PPM1A: variants seen among roughly 807,000 people sequenced by gnomAD.
The protein encoded by PPM1A is protein phosphatase, Mg2+/Mn2+ dependent 1A.
Under a neutral mutation model 35.0 loss-of-function variants are expected in PPM1A, and 7 were observed. The observed-to-expected ratio is 0.20, with a 90% CI of 0.11 to 0.38. PPM1A has a LOEUF of 0.38. PPM1A is among the 10% of genes least tolerant of loss of function. The pLI is 1.00. For synonymous variants in PPM1A, 153 were observed against 167.3 expected, an observed-to-expected ratio of 0.91 and a Z score of 0.66; for missense variants, 239 against 467.8, an observed-to-expected ratio of 0.51 and a Z score of 4.51.
chr14:60,269,391 T>C (rs1884803897), intron 1 of PPM1A, among the ~76,000 whole-genome samples: 1 of 152,176 alleles, frequency 6.6e-6, no homozygotes, highest in Non-Finnish European at 1.5e-5. Flanking sequence ...TCTTATTGCG[T>C]TTACATATAA....
In PPM1A at chr14:60,295,575, A is replaced by G. The variant is rs1028843144; in HGVS notation, c.*3093A>G. On this transcript the variant is annotated 3_prime_UTR_variant, in exon 6 of 6. Transcript: ENST00000395076. ...ACTTTTAGTGATCATTCATAGGACT[A>G]TATATTAACCCAGCTAATAACTCAG... 6.6e-6 allele frequency: 1 copy of G among 151,682 alleles called. No homozygotes were observed. 9.4% of individuals were successfully genotyped at this position (151,682 alleles called of 1,614,324 possible).
chr14:60,273,455 C>T lies in PPM1A; in HGVS notation c.-20-9229C>T, dbSNP rs373583617. Among the ~76,000 whole-genome samples the T allele has an allele frequency of 6.6e-6, 1 of 152,058 alleles. No homozygotes were observed. Among genetic ancestry groups the T allele is most frequent in the South Asian group, 2.1e-4 (1 of 4,814 alleles). ...AGAAGGGACAGTATGAAGTGAGATG[C>T]GGCTAGAGAAGGTACGTAGGGGCTT... On this transcript the variant is annotated intron_variant, in intron 1 of 5. Coordinates refer to ENST00000395076, the MANE Select transcript of PPM1A (RefSeq NM_021003.5). This position sits in a 1 kb window ranked among gnomAD's most constrained non-coding sequence, Gnocchi z 4.3.
intron 1 of PPM1A, among the ~76,000 whole-genome samples, chr14:60,254,312 A>T (rs1352219723): frequency 6.6e-6 from 1 of 152,180 alleles, no homozygotes; most frequent in African/African-American, 2.4e-5. Context: ...GAGTAGCTTT[A>T]TTTGGCTCTG....
chr14:60,260,042 CT>C (rs1404482463), intron 1 of PPM1A, among the ~76,000 whole-genome samples: 1 of 152,064 alleles, frequency 6.6e-6, no homozygotes, highest in African/African-American at 2.4e-5. Context: ...GAGATTGAAA[CT>C]GCTGCCATTA....
rs1433224417 is a variant in PPM1A at position 60,296,468 on chromosome 14, TC to T, written c.*3987del. On this transcript the variant is annotated 3_prime_UTR_variant, in exon 6 of 6. Coordinates refer to ENST00000395076, the MANE Select transcript of PPM1A (RefSeq NM_021003.5). The surrounding 1 kb of genome is among the most constrained non-coding windows in gnomAD (Gnocchi z 4.4). ...ATAATTGTTTCTCATTTGAGGTTTT[TC>T]TTCTAAGGGACCTTAAAGAGTTTTA... is the stretch of plus-strand genomic sequence containing the variant. The T allele has an allele frequency of 3.7e-6, 1 of 272,886 alleles. No individual in the cohort carries two copies. Among genetic ancestry groups the T allele is most frequent in the Non-Finnish European group, 6.8e-6 (1 of 147,318 alleles). 16.9% of individuals were successfully genotyped at this position (272,886 alleles called of 1,614,324 possible). A position where few individuals can be genotyped will look rare whatever the true frequency, so the allele number is the denominator to read the frequency against.
In PPM1A at chr14:60,249,616, C is replaced by T; in HGVS notation, c.-82C>T. On this transcript the variant is annotated 5_prime_UTR_variant, in exon 1 of 6. Coordinates refer to ENST00000395076, the MANE Select transcript of PPM1A (RefSeq NM_021003.5). The surrounding 1 kb of genome is among the most constrained non-coding windows in gnomAD (Gnocchi z 4.5). ...GCCGTCGCCGCCGCGGTGACCCCCTCCCCGGCTGCCGCCGCCGCCGCCTCG... is the reference window on the plus strand; with the variant it reads ...GCCGTCGCCGCCGCGGTGACCCCCTTCCCGGCTGCCGCCGCCGCCGCCTCG... 1.0e-6 allele frequency: 1 copy of T among 987,316 alleles called. No individual in the cohort carries two copies. Among genetic ancestry groups the T allele is most frequent in the Non-Finnish European group, 1.2e-6 (1 of 831,776 alleles). 61.2% of individuals were successfully genotyped at this position (987,316 alleles called of 1,614,324 possible).
chr14:60,273,085 C>G lies in PPM1A; in HGVS notation c.-20-9599C>G, dbSNP rs1252184246. Among the ~76,000 whole-genome samples, 3 of 152,204 alleles carry G rather than the reference C, an allele frequency of 2.0e-5. 1 individual carries two copies. The highest frequency in any genetic ancestry group is 3.9e-4 in the East Asian group (2 of 5,174). ...TTCTTTGATGATAGCTTCTCTGTTT[C>G]TCCTTCAGAAAGTCTTGTTTTTTAT... On this transcript the variant is annotated intron_variant, in intron 1 of 5. Coordinates refer to ENST00000395076, the MANE Select transcript of PPM1A (RefSeq NM_021003.5). This position sits in a 1 kb window ranked among gnomAD's most constrained non-coding sequence, Gnocchi z 4.3.
Position 60,282,991 on chromosome 14 carries a change from T to G in PPM1A, c.288T>G (p.Asn96Lys). The change falls in exon 2 of 6, where the codon AAT becomes AAG. Residue 96 changes from asparagine to lysine, a missense_variant. Asn to Lys is a moderately conservative substitution (Grantham distance 94). Coordinates refer to ENST00000395076, the MANE Select transcript of PPM1A (RefSeq NM_021003.5). The surrounding 1 kb of genome is among the most constrained non-coding windows in gnomAD (Gnocchi z 5.1). Reference sequence around the variant, plus strand: ...CTGCAGGAGCACCTTCTGTGGAAAATGTAAAGAATGGAATCAGAACAGGTT... The same window carrying G: ...CTGCAGGAGCACCTTCTGTGGAAAAGGTAAAGAATGGAATCAGAACAGGTT... ...KGSAGAPSVE[N>K]VKNGIRTGFL... 4.3e-6 allele frequency: 7 copies of G among 1,614,090 alleles called. No individual in the cohort carries two copies. The highest frequency in any genetic ancestry group is 5.9e-6 in the Non-Finnish European group (7 of 1,180,014).
chr14:60,268,941 CTTTTT>C (rs767187097), intron 1 of PPM1A, among the ~76,000 whole-genome samples: 2 of 128,640 alleles, frequency 1.6e-5, no homozygotes, highest in South Asian at 5.0e-4. Context: ...ATTTCATTTT[CTTTTT>C]TTTTTTTTTG....
At chr14:60,249,165 C>A (rs1882004905), upstream of PPM1A, 2 of 916,436 alleles carry the variant, frequency 2.2e-6, no homozygotes, top group South Asian at 4.8e-5. The surrounding 1 kb of genome is among the most constrained non-coding windows in gnomAD (Gnocchi z 4.5). Context: ...GCGGGGCGAG[C>A]GGAGGGGTGG....
intron 1 of PPM1A, among the ~76,000 whole-genome samples, chr14:60,269,255 G>C (rs1245409651): frequency 1.3e-5 from 2 of 151,884 alleles, no homozygotes; most frequent in Non-Finnish European, 2.9e-5. Context: ...TTATTTTTGA[G>C]TTTCTTGGTT....
At chr14:60,262,339 G>C (rs898145275) in intron 1 of PPM1A, among the ~76,000 whole-genome samples, 1 of 152,184 alleles carries the variant, frequency 6.6e-6, no homozygotes, top group Non-Finnish European at 1.5e-5. Flanking sequence ...ATAGAAGTCT[G>C]TGAAAATATT....
intron 1 of PPM1A, among the ~76,000 whole-genome samples, chr14:60,272,821 T>C (rs1482026496): frequency 6.6e-6 from 1 of 152,032 alleles, no homozygotes; most frequent in African/African-American, 2.4e-5. Flanking sequence ...TCTTAGAACT[T>C]GGTTTATTCT....
chr14:60,297,320 TCTTC>T lies in PPM1A; in HGVS notation c.*4842_*4845del, dbSNP rs1179157653. 1 of 151,696 alleles carries T rather than the reference TCTTC, an allele frequency of 6.6e-6. No homozygotes were observed. Among genetic ancestry groups the T allele is most frequent in the East Asian group, 1.9e-4 (1 of 5,192 alleles). 9.4% of individuals were successfully genotyped at this position (151,696 alleles called of 1,614,324 possible). On this transcript the variant is annotated 3_prime_UTR_variant, in exon 6 of 6. Coordinates refer to ENST00000395076, the MANE Select transcript of PPM1A (RefSeq NM_021003.5). ...AATTGTTTTAAAAGCCATAGGAAAG[TCTTC>T]CTTGTACGTGGCTGTAAATTTATAA...
Position 60,283,100 on chromosome 14 carries a change from T to G in PPM1A, c.397T>G (p.Leu133Val). 1 of 1,614,238 alleles carries G rather than the reference T, an allele frequency of 6.2e-7. No homozygotes were observed. The highest frequency in any genetic ancestry group is 8.5e-7 in the Non-Finnish European group (1 of 1,180,038). Residue 133 changes from leucine to valine, a missense_variant, in exon 2 of 6, where the codon TTA becomes GTA. This residue lies in a region of PPM1A where 175 missense variants were observed against 389.2 expected (regional missense o/e 0.45). Transcript: ENST00000395076. The surrounding 1 kb of genome is among the most constrained non-coding windows in gnomAD (Gnocchi z 6.3). ...AAGTGGGTCAACAGCTGTAGGTGTCTTAATTTCTCCCCAACATACTTATTT... is the reference window on the plus strand; with the variant it reads ...AAGTGGGTCAACAGCTGTAGGTGTCGTAATTTCTCCCCAACATACTTATTT... Reference protein sequence around the residue: ...DRSGSTAVGVLISPQHTYFIN... With the variant: ...DRSGSTAVGVVISPQHTYFIN...
intron 1 of PPM1A, among the ~76,000 whole-genome samples, chr14:60,275,890 G>A (rs906850639): frequency 1.7e-5 from 2 of 116,906 alleles, no homozygotes; most frequent in African/African-American, 3.3e-5. Context: ...TTTTGTTAAT[G>A]TGCTTATTTC....
At chr14:60,284,620 C>T (rs866420932) in intron 2 of PPM1A, among the ~76,000 whole-genome samples, 4 of 138,454 alleles carry the variant, frequency 2.9e-5, no homozygotes, top group Middle Eastern at 4.1e-3. Context: ...CCAGCCTGGG[C>T]GACAGAGCGA....
chr14:60,253,749 G>C (rs1356928581), intron 1 of PPM1A, among the ~76,000 whole-genome samples: 1 of 152,146 alleles, frequency 6.6e-6, no homozygotes, highest in Non-Finnish European at 1.5e-5. Flanking sequence ...TTTAGGTTAA[G>C]GAATGGAATC....
chr14:60,248,292 C>T (rs1256627454), upstream of PPM1A, among the ~76,000 whole-genome samples: 1 of 152,236 alleles, frequency 6.6e-6, no homozygotes, highest in African/African-American at 2.4e-5. Flanking sequence ...TCTGATTATT[C>T]TCCTGATTTT....
Sources: gnomAD v4.1 joint callset for allele counts (sites outside exome capture counted in the v4.1 genomes callset) on GRCh38, gnomAD v4.1.1 for gene constraint, gnomAD v4.1.1 regional missense constraint, Gnocchi (gnomAD v3.1) non-coding constraint, MANE v1.5 for transcripts, NCBI Gene and HGNC (gene_info 2026-07-23, HGNC 2026-07-21) for gene names.